The following TNS3 variants were observed in gnomAD, a reference collection of about 807,000 sequenced individuals.
TNS3 encodes tensin 3, also known as tensin-3.
A neutral mutation model predicts 140.9 loss-of-function variants in TNS3; 45 were observed. The ratio of observed to expected loss-of-function variants is 0.32; its 90% CI spans 0.25 to 0.41. The LOEUF is 0.41. Among genes scored for constraint, TNS3 ranks in the 10% least tolerant of loss-of-function variants. TNS3 has a pLI of 1.00. For synonymous variants in TNS3, 815 were observed against 788.4 expected (o/e 1.03, Z -0.56); for missense variants, 1,716 against 1,906.7 (o/e 0.90, Z 1.86).
chr7:47,457,832 G>A (rs1490182738), intron 4 of TNS3, among the ~76,000 whole-genome samples: 2 of 152,182 alleles, frequency 1.3e-5, no homozygotes, highest in Non-Finnish European at 2.9e-5. Context: ...AGGTTACTCT[G>A]GGTAGTCAGT....
rs76371282 is a variant in TNS3 at position 47,367,053 on chromosome 7, G to A, written c.2281+1312C>T. Among the ~76,000 whole-genome samples, 64 of 152,300 alleles carry A rather than the reference G, an allele frequency of 4.2e-4. No individual in the cohort carries two copies. In the East Asian group the frequency reaches 0.011, roughly 27 times the overall value. ...AATGTGGGAGGCCCTGGCACCACAC[G>A]GATGCCACACTTTCTGGCCCAAGGT... is the stretch of plus-strand genomic sequence containing the variant. On this transcript the variant is annotated intron_variant, in intron 17 of 30. Coordinates refer to ENST00000311160, the MANE Select transcript of TNS3 (RefSeq NM_022748.12).
intron 1 of TNS3, among the ~76,000 whole-genome samples, chr7:47,529,834 T>A (rs533871879): frequency 6.6e-6 from 1 of 152,362 alleles, no homozygotes; most frequent in East Asian, 1.9e-4. Context: ...CAAGCACTAA[T>A]CATGTCTATT....
chr7:47,383,130 T>C (rs1791870301), intron 16 of TNS3, among the ~76,000 whole-genome samples: 1 of 152,222 alleles, frequency 6.6e-6, no homozygotes, highest in African/African-American at 2.4e-5. Context: ...ACAGGCAACG[T>C]TATTCATACT....
chr7:47,423,046 G>A (rs891611094), intron 10 of TNS3, among the ~76,000 whole-genome samples: 9 of 152,262 alleles, frequency 5.9e-5, no homozygotes, highest in East Asian at 1.9e-4. Flanking sequence ...CCATGCCATT[G>A]GAAATAGCAA....
chr7:47,413,560 C>T (rs1793908332), intron 12 of TNS3, among the ~76,000 whole-genome samples: 1 of 151,800 alleles, frequency 6.6e-6, no homozygotes, highest in Admixed American at 6.6e-5. Flanking sequence ...TTTTATAAAA[C>T]ACACTTGAAC....
At chr7:47,398,657 T>C (rs1052169174) in intron 15 of TNS3, among the ~76,000 whole-genome samples, 4 of 152,110 alleles carry the variant, frequency 2.6e-5, no homozygotes, top group African/African-American at 9.7e-5. Flanking sequence ...AAACTAGGCA[T>C]AGAAGGGACT....
At chr7:47,571,853 C>G (rs76543418) in intron 1 of TNS3, among the ~76,000 whole-genome samples, 1 of 152,234 alleles carries the variant, frequency 6.6e-6, no homozygotes, top group African/African-American at 2.4e-5. Context: ...GCTGGCCACA[C>G]AGCTGTGCTT....
intron 20 of TNS3, among the ~76,000 whole-genome samples, chr7:47,313,298 C>A (rs1022189334): frequency 1.3e-5 from 2 of 152,156 alleles, no homozygotes; most frequent in Admixed American, 1.3e-4. Context: ...CCTGTAGGAG[C>A]TCCATGTCAT....
chr7:47,444,375 T>G (rs1795617734), intron 4 of TNS3, among the ~76,000 whole-genome samples: 1 of 152,240 alleles, frequency 6.6e-6, no homozygotes, highest in South Asian at 2.1e-4. Context: ...GTCACGCTTA[T>G]CATTTGACCG....
chr7:47,367,853 T>C (rs1790798261), intron 17 of TNS3, among the ~76,000 whole-genome samples: 1 of 152,192 alleles, frequency 6.6e-6, no homozygotes, highest in Non-Finnish European at 1.5e-5. Flanking sequence ...AATCAGAACA[T>C]TTTATACCAC....
rs140158034 is a variant in TNS3, at chr7:47,576,552, C to T, written c.-265+5499G>A. ...AAGGGGTAGGCGCCCAGGGACACCT[C>T]TAAGAAAGGTGATGGATTACAAGGT... On this transcript the variant is annotated intron_variant, in intron 1 of 30. Transcript: ENST00000311160. Among the ~76,000 whole-genome samples the T allele has an allele frequency of 3.7e-3, 558 of 152,310 alleles. 38 individuals are homozygous for T. The East Asian group carries it at 0.094, about 26-fold the overall frequency.
rs537320939 is a variant in TNS3 at position 47,358,139 on chromosome 7, A to G, written c.2281+10226T>C. Among the ~76,000 whole-genome samples the G allele has an allele frequency of 1.9e-4, 28 of 145,568 alleles. No homozygotes were observed. In the South Asian group the frequency reaches 4.9e-3, roughly 25 times the overall value. ...GACCTTACTGGCCTCTTCCACTAACACTTCATCTTTTTTTTTTTGACGGAG... is the reference window on the plus strand; with the variant it reads ...GACCTTACTGGCCTCTTCCACTAACGCTTCATCTTTTTTTTTTTGACGGAG... On this transcript the variant is annotated intron_variant, in intron 17 of 30. Coordinates refer to ENST00000311160, the MANE Select transcript of TNS3 (RefSeq NM_022748.12).
chr7:47,277,755 C>T lies in TNS3; in HGVS notation c.*321G>A, dbSNP rs1784931344. 7.7e-6 allele frequency: 3 copies of T among 391,072 alleles called. No individual in the cohort carries two copies. The highest frequency in any genetic ancestry group is 1.2e-4 in the East Asian group (2 of 16,352). The allele number at this position is 391,072 out of a possible 1,614,324, so 24.2% of individuals were successfully genotyped here. The stretch of plus-strand genomic sequence containing the variant: ...TGCTAGTGTGCCAGGGACATGGGGA[C>T]CACCTCGTGTTCTGTGCTGTTTCCT... On this transcript the variant is annotated 3_prime_UTR_variant, in exon 31 of 31. Transcript: ENST00000311160.
intron 1 of TNS3, among the ~76,000 whole-genome samples, chr7:47,571,841 C>T (rs1800565245): frequency 6.6e-6 from 1 of 152,222 alleles, no homozygotes; most frequent in Non-Finnish European, 1.5e-5. Flanking sequence ...TGTCAGCATG[C>T]CGCTGGCCAC....
At chr7:47,292,774 G>T in intron 26 of TNS3, 54 bp downstream of exon 26, 2 of 1,472,694 alleles carry the variant, frequency 1.4e-6, no homozygotes, top group Non-Finnish European at 1.9e-6. Context: ...AAAACCGGTG[G>T]CCTTGACTGC....
chr7:47,353,623 G>A (rs185511745), intron 17 of TNS3, among the ~76,000 whole-genome samples: 28 of 152,244 alleles, frequency 1.8e-4, no homozygotes, highest in East Asian at 1.5e-3. Flanking sequence ...AGCACTCCCC[G>A]AGGGAATCAT....
intron 3 of TNS3, among the ~76,000 whole-genome samples, chr7:47,494,799 G>A (rs532698227): frequency 6.6e-6 from 1 of 152,146 alleles, no homozygotes; most frequent in African/African-American, 2.4e-5. Context: ...ACAGAAAATG[G>A]GAGTAGGCAC....
intron 26 of TNS3, among the ~76,000 whole-genome samples, chr7:47,292,577 T>G (rs1562765086): frequency 6.6e-6 from 1 of 152,228 alleles, no homozygotes; most frequent in Non-Finnish European, 1.5e-5. Flanking sequence ...CTACAGAATC[T>G]TTGCTCTATA....
rs1800164933 is a variant in TNS3 at position 47,555,246 on chromosome 7, C to T, written c.-264-26099G>A. Among the ~76,000 whole-genome samples the T allele has an allele frequency of 2.0e-5, 3 of 150,746 alleles. No individual in the cohort carries two copies. In the South Asian group the frequency reaches 6.3e-4, roughly 32 times the overall value. ...TGAAACCCTGTCTCTACTAAAAATA[C>T]CAAAACTAGCCGGGTGTGGTGGCAG... On this transcript the variant is annotated intron_variant, in intron 1 of 30. Coordinates refer to ENST00000311160, the MANE Select transcript of TNS3 (RefSeq NM_022748.12).
Sources: allele counts gnomAD v4.1 joint callset (sites outside exome capture counted in the v4.1 genomes callset), GRCh38; gene constraint gnomAD v4.1.1; transcripts MANE v1.5; gene names NCBI Gene and HGNC (gene_info 2026-07-23, HGNC 2026-07-21).